The following BRIP1 variants were observed in gnomAD, a reference collection of about 807,000 sequenced individuals.
BRIP1 encodes BRCA1 interacting DNA helicase 1.
Under a neutral mutation model 119.7 loss-of-function variants are expected in BRIP1, and 88 were observed. The observed-to-expected ratio is 0.74, with a 90% CI of 0.62 to 0.88. The LOEUF is 0.88. Ranked by LOEUF, BRIP1 falls within the 40% of genes least tolerant of loss-of-function variation. The probability of loss-of-function intolerance (pLI) is 0.00; values close to 1 mark genes in which losing one functional copy is unlikely to be tolerated. For missense variants in BRIP1, 1,259 were observed against 1,455.4 expected (o/e 0.87, Z 2.20); for synonymous variants, 443 against 496.5 (o/e 0.89, Z 1.43).
rs8076886 is a variant in BRIP1 at position 61,846,042 on chromosome 17, C to T, written c.627+1059G>A. ...CTAAAAATACAAAAAATTAGCCAGGCGTGGTGGCAGGCGCCTGTAGTCCCA... is the reference window on the plus strand; with the variant it reads ...CTAAAAATACAAAAAATTAGCCAGGTGTGGTGGCAGGCGCCTGTAGTCCCA... On this transcript the variant is annotated intron_variant, in intron 6 of 19. Coordinates refer to ENST00000259008, the MANE Select transcript of BRIP1 (RefSeq NM_032043.3). The surrounding 1 kb of genome is among the most constrained non-coding windows in gnomAD (Gnocchi z 4.3). 6.6e-6 allele frequency among the ~76,000 whole-genome samples: 1 copy of T among 151,774 alleles called. No homozygotes were observed. The highest frequency in any genetic ancestry group is 1.5e-5 in the Non-Finnish European group (1 of 67,942).
intron 6 of BRIP1, among the ~76,000 whole-genome samples, chr17:61,820,575 C>G (rs185882640): frequency 6.6e-6 from 1 of 152,288 alleles, no homozygotes; most frequent in East Asian, 1.9e-4. Context: ...AGAATGTAAT[C>G]ACATGCACTT....
Position 61,683,287 on chromosome 17 carries a change from TAAGTATTATTACTTAA to T in BRIP1, c.3743_*8del, listed in dbSNP as rs1405983557. On this transcript the variant is annotated stop_lost and 3_prime_UTR_variant, in exon 20 of 20. Transcript: ENST00000259008. The surrounding 1 kb of genome is among the most constrained non-coding windows in gnomAD (Gnocchi z 4.7). ...ACATATTTTTACTTAGCTTGAGAGT[TAAGTATTATTACTTAA>T]AACCAGGAAACATGCCTTTATTTTT... is the stretch of plus-strand genomic sequence containing the variant. 6.2e-7 allele frequency: 1 copy of T among 1,603,982 alleles called. No individual in the cohort carries two copies. Among genetic ancestry groups the T allele is most frequent in the East Asian group, 2.2e-5 (1 of 44,736 alleles).
chr17:61,818,065 A>G (rs2078263682), intron 6 of BRIP1, among the ~76,000 whole-genome samples: 1 of 152,052 alleles, frequency 6.6e-6, no homozygotes, highest in South Asian at 2.1e-4. Context: ...TGGAAAAATA[A>G]GATGGGGACA....
chr17:61,733,687 CA>C (rs1343052604), intron 16 of BRIP1, among the ~76,000 whole-genome samples: 1 of 150,882 alleles, frequency 6.6e-6, no homozygotes, highest in Non-Finnish European at 1.5e-5. Flanking sequence ...GTTTCCTAAA[CA>C]AAAAAAGGAA....
chr17:61,838,921 C>T (rs776871242), intron 6 of BRIP1, among the ~76,000 whole-genome samples: 2 of 151,964 alleles, frequency 1.3e-5, no homozygotes, highest in Non-Finnish European at 2.9e-5. Flanking sequence ...AAACTTACGA[C>T]ATTAATACAC....
rs1003313244 is a variant in BRIP1 at position 61,793,818 on chromosome 17, C to T, written c.1341-89G>A. The T allele has an allele frequency of 1.7e-5, 23 of 1,358,158 alleles. No individual in the cohort carries two copies. The highest frequency in any genetic ancestry group is 2.0e-5 in the Non-Finnish European group (20 of 993,668). 84.1% of individuals were successfully genotyped at this position (1,358,158 alleles called of 1,614,324 possible). ...CAAGAGAATCATCATTATTGTCATG[C>T]GTTGATCTGTATATCTTGACATTCT... On this transcript the variant is annotated intron_variant, in intron 9 of 19. Coordinates refer to ENST00000259008, the MANE Select transcript of BRIP1 (RefSeq NM_032043.3). This position sits in a 1 kb window ranked among gnomAD's most constrained non-coding sequence, Gnocchi z 5.2.
In BRIP1 at chr17:61,754,173, C is replaced by G. The variant is rs2077170649; in HGVS notation, c.2098-9582G>C. ...TAAACCCTCCAATGGCTTCCTACTG[C>G]ATTTAGAACAAAATCTAAATTCTTA... On this transcript the variant is annotated intron_variant, in intron 14 of 19. Coordinates refer to ENST00000259008, the MANE Select transcript of BRIP1 (RefSeq NM_032043.3). This position sits in a 1 kb window ranked among gnomAD's most constrained non-coding sequence, Gnocchi z 4.1. 1.3e-5 allele frequency among the ~76,000 whole-genome samples: 2 copies of G among 152,294 alleles called. No homozygotes were observed. Among genetic ancestry groups the G allele is most frequent in the South Asian group, 4.1e-4 (2 of 4,826 alleles).
Position 61,803,845 on chromosome 17 carries a change from CTGTTAAA to C in BRIP1, c.919-2378_919-2372del, listed in dbSNP as rs2078032554. 6.6e-6 allele frequency among the ~76,000 whole-genome samples: 1 copy of C among 152,084 alleles called. No homozygotes were observed. Among genetic ancestry groups the C allele is most frequent in the African/African-American group, 2.4e-5 (1 of 41,422 alleles). ...TTAATGTGAATAGATGTACCCTGTA[CTGTTAAA>C]TAGCCAAAAAATTGAAAATTAACCA... On this transcript the variant is annotated intron_variant, in intron 7 of 19. Transcript: ENST00000259008. This position sits in a 1 kb window ranked among gnomAD's most constrained non-coding sequence, Gnocchi z 4.3.
At position 61,806,438 on chromosome 17, in the gene BRIP1, T is replaced by C. The variant is rs935879745; in HGVS notation, c.918+2029A>G. On this transcript the variant is annotated intron_variant, in intron 7 of 19. Transcript: ENST00000259008. This position sits in a 1 kb window ranked among gnomAD's most constrained non-coding sequence, Gnocchi z 4.9. ...CAAACCACAAGCAGATATCTTCAAT[T>C]ATTCATATTACTAATATTAAAAAAT... 8.5e-5 allele frequency among the ~76,000 whole-genome samples: 13 copies of C among 152,188 alleles called. No individual in the cohort carries two copies. The highest frequency in any genetic ancestry group is 3.1e-4 in the African/African-American group (13 of 41,454).
In BRIP1 at chr17:61,725,585, C is replaced by T. The variant is rs2076755800; in HGVS notation, c.2380-9522G>A. On this transcript the variant is annotated intron_variant, in intron 16 of 19. Coordinates refer to ENST00000259008, the MANE Select transcript of BRIP1 (RefSeq NM_032043.3). The surrounding 1 kb of genome is among the most constrained non-coding windows in gnomAD (Gnocchi z 5.3). ...TAATACTCTAAGACATGCAAGAAATCTTAGCATGCTTATTCTGTAAAGGGC... is the reference window on the plus strand; with the variant it reads ...TAATACTCTAAGACATGCAAGAAATTTTAGCATGCTTATTCTGTAAAGGGC... 6.6e-6 allele frequency among the ~76,000 whole-genome samples: 1 copy of T among 152,056 alleles called. No homozygotes were observed. Among genetic ancestry groups the T allele is most frequent in the African/African-American group, 2.4e-5 (1 of 41,404 alleles).
chr17:61,720,620 T>C lies in BRIP1; in HGVS notation c.2380-4557A>G, dbSNP rs1416923438. Among the ~76,000 whole-genome samples the C allele has an allele frequency of 6.6e-6, 1 of 152,160 alleles. No individual in the cohort carries two copies. The highest frequency in any genetic ancestry group is 1.5e-5 in the Non-Finnish European group (1 of 68,020). ...ACATCTCATGCTATATCCTGCTCCA[T>C]CCCACTCAGATGTGAATCATCCCTT... On this transcript the variant is annotated intron_variant, in intron 16 of 19. Coordinates refer to ENST00000259008, the MANE Select transcript of BRIP1 (RefSeq NM_032043.3). This position sits in a 1 kb window ranked among gnomAD's most constrained non-coding sequence, Gnocchi z 4.3.
rs2077274890 is a variant in BRIP1 at position 61,761,416 on chromosome 17, T to C, written c.2097+14985A>G. 6.6e-6 allele frequency among the ~76,000 whole-genome samples: 1 copy of C among 151,752 alleles called. No individual in the cohort carries two copies. The highest frequency in any genetic ancestry group is 2.1e-4 in the South Asian group (1 of 4,814). On this transcript the variant is annotated intron_variant, in intron 14 of 19. Coordinates refer to ENST00000259008, the MANE Select transcript of BRIP1 (RefSeq NM_032043.3). This position sits in a 1 kb window ranked among gnomAD's most constrained non-coding sequence, Gnocchi z 6.4. Reference sequence around the variant, plus strand: ...TACTGAAGTCCTTGCCAGAAAAATTTAGAAAGAGAAAGAAATAAAAAGCAT... The same window carrying C: ...TACTGAAGTCCTTGCCAGAAAAATTCAGAAAGAGAAAGAAATAAAAAGCAT...
intron 16 of BRIP1, among the ~76,000 whole-genome samples, chr17:61,719,211 A>G (rs1193608785): frequency 6.8e-6 from 1 of 146,036 alleles, no homozygotes; most frequent in Non-Finnish European, 1.5e-5. Context: ...ACTATTCTCA[A>G]TAACCAAGAT....
rs6504071 is a variant in BRIP1, at chr17:61,807,868, A to T, written c.918+599T>A. ...TCATATAAGTCTTTAGTAAGAAAGA[A>T]TTCTCTATTTCCACCAAGCCCAAAT... On this transcript the variant is annotated intron_variant, in intron 7 of 19. Coordinates refer to ENST00000259008, the MANE Select transcript of BRIP1 (RefSeq NM_032043.3). The surrounding 1 kb of genome is among the most constrained non-coding windows in gnomAD (Gnocchi z 4.5). Among the ~76,000 whole-genome samples, 1 of 151,890 alleles carries T rather than the reference A, an allele frequency of 6.6e-6. No homozygotes were observed. Among genetic ancestry groups the T allele is most frequent in the East Asian group, 1.9e-4 (1 of 5,178 alleles).
chr17:61,761,894 A>C lies in BRIP1; in HGVS notation c.2097+14507T>G, dbSNP rs775787000. Among the ~76,000 whole-genome samples the C allele has an allele frequency of 6.6e-6, 1 of 152,136 alleles. No individual in the cohort carries two copies. The highest frequency in any genetic ancestry group is 1.5e-5 in the Non-Finnish European group (1 of 68,006). On this transcript the variant is annotated intron_variant, in intron 14 of 19. Transcript: ENST00000259008. This position sits in a 1 kb window ranked among gnomAD's most constrained non-coding sequence, Gnocchi z 6.4. ...AAATTCCAATGTCATTTTTCATAGA[A>C]ATAGAAAAAAGAATCCTAAATTTCA... is the stretch of plus-strand genomic sequence containing the variant.
Position 61,683,942 on chromosome 17 carries a change from C to T in BRIP1, c.3104G>A (p.Arg1035His), listed in dbSNP as rs367816363. The T allele has an allele frequency of 1.9e-5, 31 of 1,613,974 alleles. No individual in the cohort carries two copies. Among genetic ancestry groups the T allele is most frequent in the African/African-American group, 2.7e-5 (2 of 74,902 alleles). The change falls in exon 20 of 20, where the codon CGT becomes CAT. Residue 1035 changes from arginine to histidine, a missense_variant. Physicochemically the swap from Arg to His is conservative, Grantham distance 29. Coordinates refer to ENST00000259008, the MANE Select transcript of BRIP1 (RefSeq NM_032043.3). This position sits in a 1 kb window ranked among gnomAD's most constrained non-coding sequence, Gnocchi z 4.7. Reference sequence around the variant, plus strand: ...ACTTTCCATCTTCTCTGTTTTGAAACGGGGAGGACTAGAGGCACTATTCTC... The same window carrying T: ...ACTTTCCATCTTCTCTGTTTTGAAATGGGGAGGACTAGAGGCACTATTCTC... ...SSENSASSPPRFKTEKMESKT... is the reference protein window; with the variant it reads ...SSENSASSPPHFKTEKMESKT...
rs147161120 is a variant in BRIP1, at chr17:61,708,308, T to A, written c.2492+7643A>T. Among the ~76,000 whole-genome samples, 27 of 152,296 alleles carry A rather than the reference T, an allele frequency of 1.8e-4. No individual in the cohort carries two copies. The East Asian group carries it at 5.0e-3, about 28-fold the overall frequency. On this transcript the variant is annotated intron_variant, in intron 17 of 19. Coordinates refer to ENST00000259008, the MANE Select transcript of BRIP1 (RefSeq NM_032043.3). This position sits in a 1 kb window ranked among gnomAD's most constrained non-coding sequence, Gnocchi z 4.4. ...CCTTCTGAGTTGCATGATAAAAATCTCATGCTGTCCCACTCAGGATGTTAA... is the reference window on the plus strand; with the variant it reads ...CCTTCTGAGTTGCATGATAAAAATCACATGCTGTCCCACTCAGGATGTTAA...
chr17:61,715,858 A>T, intron 17 of BRIP1, 93 bp downstream of exon 17: 1 of 785,248 alleles, frequency 1.3e-6, no homozygotes, highest in African/African-American at 1.8e-5. Context: ...ATAAAATTTT[A>T]CCAAGTTTAT....
In BRIP1 at chr17:61,683,662, T is replaced by G. The variant is rs868546317; in HGVS notation, c.3384A>C (p.Glu1128Asp). 6.2e-7 allele frequency: 1 copy of G among 1,613,382 alleles called. No individual in the cohort carries two copies. ...AAAGTTCAGGTGTAAAATAGATAGA[T>G]TCATCTTCTGCTTCTGTTTCAAAAT... ...NRDFETEAEDESIYFTPELYD... is the reference protein window; with the variant it reads ...NRDFETEAEDDSIYFTPELYD... Residue 1128 changes from glutamate (E) to aspartate (D), a missense_variant, in exon 20 of 20, where the codon GAA becomes GAC. Glu to Asp is a conservative substitution (Grantham distance 45, BLOSUM62 2). Around this residue, in one of 3 missense-constraint regions of BRIP1, gnomAD observed 753 missense variants for 891.8 expected, o/e 0.84. Transcript: ENST00000259008. The surrounding 1 kb of genome is among the most constrained non-coding windows in gnomAD (Gnocchi z 4.7).
Sources: gnomAD v4.1 joint callset for allele counts (sites outside exome capture counted in the v4.1 genomes callset) on GRCh38, gnomAD v4.1.1 for gene constraint, gnomAD v4.1.1 regional missense constraint, Gnocchi (gnomAD v3.1) non-coding constraint, MANE v1.5 for transcripts, NCBI Gene and HGNC (gene_info 2026-07-23, HGNC 2026-07-21) for gene names.